The following ZNRF1 variants were observed in gnomAD, a reference collection of about 807,000 sequenced individuals.
ZNRF1 encodes the protein E3 ubiquitin-protein ligase ZNRF1.
In ZNRF1, 3 loss-of-function variants were observed where a neutral mutation model predicts 18.4. The observed-to-expected ratio is 0.16, with a 90% CI of 0.07 to 0.42. The LOEUF is 0.42. Among genes scored for constraint, ZNRF1 ranks in the 10% least tolerant of loss-of-function variants. The pLI is 0.99. For synonymous variants in ZNRF1, 157 were observed against 144.2 expected, an observed-to-expected ratio of 1.09 and a Z score of -0.64; for missense variants, 310 against 329.8, an observed-to-expected ratio of 0.94 and a Z score of 0.47.
At chr16:75,047,296 C>A (rs1007258543) in intron 1 of ZNRF1, among the ~76,000 whole-genome samples, 1 of 152,118 alleles carries the variant, frequency 6.6e-6, no homozygotes, top group African/African-American at 2.4e-5. Flanking sequence ...CTTCAGCCTC[C>A]CAAGTAGTTA....
In ZNRF1 at chr16:75,065,409, C is replaced by T. The variant is rs374288878; in HGVS notation, c.425-28163C>T. ...GTTCTGGCCAGAGCCACGCTCTGGC[C>T]GTTTGTTACTTACACCTTTGTAGTA... On this transcript the variant is annotated intron_variant, in intron 1 of 4. Coordinates refer to ENST00000335325, the MANE Select transcript of ZNRF1 (RefSeq NM_032268.5). Among the ~76,000 whole-genome samples, 12 of 152,250 alleles carry T rather than the reference C, an allele frequency of 7.9e-5. No individual in the cohort carries two copies. In the South Asian group the frequency reaches 1.2e-3, roughly 16 times the overall value.
intron 2 of ZNRF1, among the ~76,000 whole-genome samples, chr16:75,094,902 G>A (rs2036179941): frequency 6.6e-6 from 1 of 152,142 alleles, no homozygotes; most frequent in Admixed American, 6.5e-5. Flanking sequence ...GTAGTGGTTG[G>A]AAAAAGAGTT....
chr16:75,019,231 G>A (rs1235634537), intron 1 of ZNRF1, among the ~76,000 whole-genome samples: 1 of 151,082 alleles, frequency 6.6e-6, no homozygotes, highest in South Asian at 2.1e-4. Flanking sequence ...TTTTTTTGTA[G>A]AGACTACTGT....
intron 1 of ZNRF1, among the ~76,000 whole-genome samples, chr16:75,051,617 A>G (rs1338751585): frequency 6.6e-6 from 1 of 151,950 alleles, no homozygotes. Flanking sequence ...TCCCGGGTTC[A>G]AGCGATTCTC....
In ZNRF1 at chr16:75,064,241, C is replaced by T. The variant is rs141649232; in HGVS notation, c.425-29331C>T. Among the ~76,000 whole-genome samples the T allele has an allele frequency of 9.2e-3, 1,406 of 152,132 alleles. 29 individuals carry two copies. The highest frequency in any genetic ancestry group is 0.032 in the African/African-American group (1,317 of 41,492). ...AGTTGAGCCCGGGAGGTGGAGGTTG[C>T]GGTGAGCCAAGATTTGTGCCACTGC... On this transcript the variant is annotated intron_variant, in intron 1 of 4. Transcript: ENST00000335325.
intron 1 of ZNRF1, among the ~76,000 whole-genome samples, chr16:75,019,317 G>A (rs1009314948): frequency 1.3e-5 from 2 of 151,960 alleles, no homozygotes; most frequent in Non-Finnish European, 1.5e-5. Flanking sequence ...TGAGAGTACA[G>A]GTATGAGTCA....
At chr16:75,039,814 G>A (rs1567474765) in intron 1 of ZNRF1, among the ~76,000 whole-genome samples, 5 of 152,226 alleles carry the variant, frequency 3.3e-5, no homozygotes, top group Middle Eastern at 3.4e-3. Flanking sequence ...ATAGTTCTTT[G>A]CCAGAAAACT....
chr16:75,046,901 G>A (rs754449436), intron 1 of ZNRF1: 1 of 154,078 alleles, frequency 6.5e-6, no homozygotes, highest in Non-Finnish European at 1.5e-5. Flanking sequence ...ATACGGGACA[G>A]TACAGAAAAA....
At chr16:75,044,877 T>A (rs775700140) in intron 1 of ZNRF1, among the ~76,000 whole-genome samples, 3 of 152,240 alleles carry the variant, frequency 2.0e-5, no homozygotes, top group Non-Finnish European at 4.4e-5. Context: ...TATAATTCCC[T>A]AAGGAGAGCT....
intron 1 of ZNRF1, among the ~76,000 whole-genome samples, chr16:75,023,308 C>T (rs548452296): frequency 6.6e-6 from 1 of 152,230 alleles, no homozygotes; most frequent in East Asian, 1.9e-4. Flanking sequence ...CCCTACCTTA[C>T]CCCCCACATT....
chr16:75,094,019 C>A (rs962797514), intron 2 of ZNRF1, among the ~76,000 whole-genome samples: 5 of 152,216 alleles, frequency 3.3e-5, no homozygotes, highest in African/African-American at 7.2e-5. Flanking sequence ...CCAAGACAGC[C>A]AGGTGTCCTC....
intron 1 of ZNRF1, among the ~76,000 whole-genome samples, chr16:75,010,242 C>T (rs1165365904): frequency 6.6e-6 from 1 of 152,170 alleles, no homozygotes; most frequent in Non-Finnish European, 1.5e-5. Flanking sequence ...CTCAGCCTCC[C>T]AAAGTGCAGG....
chr16:75,039,453 C>G (rs1459413809), intron 1 of ZNRF1, among the ~76,000 whole-genome samples: 1 of 152,128 alleles, frequency 6.6e-6, no homozygotes, highest in Non-Finnish European at 1.5e-5. Flanking sequence ...AGATTTTACT[C>G]TTGAAACTAC....
intron 1 of ZNRF1, among the ~76,000 whole-genome samples, chr16:75,081,396 CAAA>C (rs937416760): frequency 6.6e-6 from 1 of 152,224 alleles, no homozygotes; most frequent in Non-Finnish European, 1.5e-5. Flanking sequence ...AGACAGCCCA[CAAA>C]TCCCTTGGGA....
At chr16:75,098,098 C>T (rs574540645) in intron 2 of ZNRF1, among the ~76,000 whole-genome samples, 2 of 152,302 alleles carry the variant, frequency 1.3e-5, no homozygotes, top group East Asian at 1.9e-4. Context: ...AGTCAGACTG[C>T]GGAGGTGTCT....
At chr16:75,028,045 A>C (rs1567470721) in intron 1 of ZNRF1, among the ~76,000 whole-genome samples, 1 of 152,128 alleles carries the variant, frequency 6.6e-6, no homozygotes, top group African/African-American at 2.4e-5. Flanking sequence ...ACTAGGTATG[A>C]GTTGTACATG....
At chr16:75,034,471 C>T (rs1305203369) in intron 1 of ZNRF1, among the ~76,000 whole-genome samples, 1 of 152,066 alleles carries the variant, frequency 6.6e-6, no homozygotes, top group Non-Finnish European at 1.5e-5. Context: ...TCAGAATTTA[C>T]TTCCTTTTTA....
chr16:75,018,549 T>G (rs2035100906), intron 1 of ZNRF1, among the ~76,000 whole-genome samples: 1 of 152,228 alleles, frequency 6.6e-6, no homozygotes, highest in African/African-American at 2.4e-5. Context: ...GCATCACATA[T>G]GTTTTTGGTA....
In ZNRF1 at chr16:75,027,977, C is replaced by T. The variant is rs146511137; in HGVS notation, c.424+27882C>T. Among the ~76,000 whole-genome samples, 202 of 152,292 alleles carry T rather than the reference C, an allele frequency of 1.3e-3. 1 individual carries two copies. Among genetic ancestry groups the T allele is most frequent in the African/African-American group, 4.7e-3 (195 of 41,566 alleles). On this transcript the variant is annotated intron_variant, in intron 1 of 4. Coordinates refer to ENST00000335325, the MANE Select transcript of ZNRF1 (RefSeq NM_032268.5). ...TCCTATTTCATTGAGAAAACAATGG[C>T]ACTCGCCACCGTATCCACCCACGTG...
Sources: gnomAD v4.1 joint callset for allele counts (sites outside exome capture counted in the v4.1 genomes callset) on GRCh38, gnomAD v4.1.1 for gene constraint, MANE v1.5 for transcripts, NCBI Gene and HGNC (gene_info 2026-07-23, HGNC 2026-07-21) for gene names.